The following CEP63 variants were observed in gnomAD, a reference collection of about 807,000 sequenced individuals.
CEP63 encodes the protein centrosomal protein of 63 kDa.
Under a neutral mutation model 89.1 loss-of-function variants are expected in CEP63, and 84 were observed. The observed-to-expected ratio is 0.94, with a 90% CI of 0.79 to 1.13. CEP63 has a LOEUF of 1.13. Ranked by LOEUF, CEP63 falls within the 50% of genes most tolerant of loss-of-function variation. CEP63 has a pLI of 0.00. For missense variants in CEP63, 838 were observed against 813.3 expected, an observed-to-expected ratio of 1.03 and a Z score of -0.37; for synonymous variants, 267 against 272.5, an observed-to-expected ratio of 0.98 and a Z score of 0.20.
chr3:134,762,150 C>G, the CEP63 span, among the ~76,000 whole-genome samples: 1 of 152,062 alleles, frequency 6.6e-6, no homozygotes, highest in South Asian at 2.1e-4. Context: ...ATTAATATGG[C>G]CATGAAGATA....
At chr3:134,490,901 G>T (rs1486392337) in intron 1 of CEP63, among the ~76,000 whole-genome samples, 1 of 152,166 alleles carries the variant, frequency 6.6e-6, no homozygotes, top group African/African-American at 2.4e-5. Context: ...CCCTCCTTAG[G>T]AGTATGTAGA....
At chr3:134,595,150 C>A in the CEP63 span, among the ~76,000 whole-genome samples, 3 of 152,120 alleles carry the variant, frequency 2.0e-5, no homozygotes, top group South Asian at 2.1e-4. Flanking sequence ...TGGGAGGGAC[C>A]AAGTGGGAGG....
At chr3:134,603,761 G>A in the CEP63 span, 1 of 1,612,510 alleles carries the variant, frequency 6.2e-7, no homozygotes, top group Admixed American at 1.7e-5. Context: ...GCAATACCAT[G>A]CAGCTTCAAT....
At chr3:134,628,055 A>G in the CEP63 span, 1 of 578,932 alleles carries the variant, frequency 1.7e-6, no homozygotes, top group Non-Finnish European at 3.1e-6. Context: ...AGGGAGCTGC[A>G]TTCTGCAACT....
chr3:134,501,743 T>A (rs923992341), intron 2 of CEP63, among the ~76,000 whole-genome samples: 1 of 152,214 alleles, frequency 6.6e-6, no homozygotes. Flanking sequence ...ATCTTTAGGG[T>A]TTTCTAGGTA....
intron 2 of CEP63, among the ~76,000 whole-genome samples, chr3:134,498,668 T>C (rs193167579): frequency 4.2e-4 from 64 of 152,310 alleles, no homozygotes; most frequent in African/African-American, 1.5e-3. Flanking sequence ...CTTTTCCCCA[T>C]CCAGTATAAT....
chr3:134,765,365 C>A, the CEP63 span, among the ~76,000 whole-genome samples: 6 of 152,188 alleles, frequency 3.9e-5, no homozygotes, highest in Admixed American at 6.5e-5. Context: ...TGTCCTTACA[C>A]AGGAGAAGAC....
the CEP63 span, among the ~76,000 whole-genome samples, chr3:134,732,138 G>C: frequency 3.3e-4 from 50 of 152,220 alleles, no homozygotes; most frequent in Non-Finnish European, 6.3e-4. Context: ...CAAGATATTC[G>C]ATTCCTCTCA....
At chr3:134,623,350 A>G in the CEP63 span, among the ~76,000 whole-genome samples, 1 of 152,018 alleles carries the variant, frequency 6.6e-6, no homozygotes, top group Non-Finnish European at 1.5e-5. Flanking sequence ...CCTCATTCAC[A>G]GGTAATGGCC....
chr3:134,634,748 G>T, the CEP63 span, among the ~76,000 whole-genome samples: 3 of 152,242 alleles, frequency 2.0e-5, no homozygotes, highest in South Asian at 2.1e-4. Flanking sequence ...TGCAAAACTC[G>T]CATAGAGAGG....
chr3:134,708,858 C>T, the CEP63 span, among the ~76,000 whole-genome samples: 2 of 152,032 alleles, frequency 1.3e-5, no homozygotes, highest in African/African-American at 4.8e-5. Context: ...GGCAGCCAAT[C>T]ACAGTCACTC....
chr3:134,549,188 C>T lies in CEP63; in HGVS notation c.1182+12C>T. On this transcript the variant is annotated intron_variant, in intron 10 of 14. Coordinates refer to ENST00000675561, the MANE Select transcript of CEP63 (RefSeq NM_001353108.3). ...CAGAGATTAAGAAGGTAAAAATCTG[C>T]ATACCTAGGATTGCAAAATTGTATG... The T allele has an allele frequency of 1.3e-6, 2 of 1,514,832 alleles. No individual in the cohort carries two copies. Among genetic ancestry groups the T allele is most frequent in the Non-Finnish European group, 1.8e-6 (2 of 1,089,890 alleles). The allele number at this position is 1,514,832 out of a possible 1,614,324, so 93.8% of individuals were successfully genotyped here.
the CEP63 span, among the ~76,000 whole-genome samples, chr3:134,761,449 G>C: frequency 1.2e-4 from 19 of 152,208 alleles, no homozygotes; most frequent in Admixed American, 1.2e-3. Flanking sequence ...TGCAGCCCTC[G>C]GTCTGAGCAT....
chr3:134,660,053 G>A, the CEP63 span, among the ~76,000 whole-genome samples: 1 of 152,254 alleles, frequency 6.6e-6, no homozygotes, highest in African/African-American at 2.4e-5. Flanking sequence ...GAAATGAGGG[G>A]ATGAGGGGGA....
At chr3:134,754,548 T>G in the CEP63 span, among the ~76,000 whole-genome samples, 1 of 152,142 alleles carries the variant, frequency 6.6e-6, no homozygotes, top group African/African-American at 2.4e-5. Context: ...CTGATGATTT[T>G]CAAGCTGTAC....
the CEP63 span, among the ~76,000 whole-genome samples, chr3:134,770,589 A>C: frequency 6.6e-6 from 1 of 152,160 alleles, no homozygotes; most frequent in Non-Finnish European, 1.5e-5. Flanking sequence ...GTGATTTTGA[A>C]ACATTAAGCT....
chr3:134,624,068 T>C, the CEP63 span, among the ~76,000 whole-genome samples: 1 of 152,058 alleles, frequency 6.6e-6, no homozygotes, highest in Non-Finnish European at 1.5e-5. Flanking sequence ...GCCCCTCATA[T>C]CCCAAACACA....
intron 1 of CEP63, among the ~76,000 whole-genome samples, chr3:134,492,536 A>G (rs1478394453): frequency 6.8e-6 from 1 of 147,198 alleles, no homozygotes; most frequent in Non-Finnish European, 1.5e-5. Flanking sequence ...AGTTTACTTT[A>G]TTTCTCACAT....
chr3:134,572,644 T>A (rs555100474), intron 11 of CEP63, among the ~76,000 whole-genome samples: 1 of 152,364 alleles, frequency 6.6e-6, no homozygotes, highest in South Asian at 2.1e-4. Flanking sequence ...ATTTTCTTTA[T>A]CTAATCCGCT....
Sources: allele counts gnomAD v4.1 joint callset (sites outside exome capture counted in the v4.1 genomes callset), GRCh38; gene constraint gnomAD v4.1.1; transcripts MANE v1.5; gene names NCBI Gene and HGNC (gene_info 2026-07-23, HGNC 2026-07-21).